DNM3: variants seen among roughly 807,000 people sequenced by gnomAD.
DNM3 encodes the protein dynamin 3.
In DNM3, 47 loss-of-function variants were observed where a neutral mutation model predicts 101.6. The ratio of observed to expected loss-of-function variants is 0.46; its 90% confidence interval spans 0.37 to 0.59. The LOEUF (loss-of-function observed/expected upper bound fraction) is 0.59. Ranked by LOEUF, DNM3 falls within the 20% of genes least tolerant of loss-of-function variation. DNM3 has a pLI of 0.00. For missense variants in DNM3, 849 were observed against 1,085.7 expected (o/e 0.78, Z 3.06); for synonymous variants, 385 against 387.9 (o/e 0.99, Z 0.09).
chr1:172,033,304 A>T (rs1462081959), intron 6 of DNM3, 39 bp downstream of exon 6: 2 of 1,532,416 alleles, frequency 1.3e-6, no homozygotes, highest in Non-Finnish European at 1.8e-6. Context: ...CAATTATGAA[A>T]TATGTAAGTA....
At chr1:172,054,523 C>T (rs1273780290) in intron 10 of DNM3, among the ~76,000 whole-genome samples, 3 of 152,048 alleles carry the variant, frequency 2.0e-5, no homozygotes, top group African/African-American at 7.2e-5. Context: ...TTTTTAACCA[C>T]AGTTTAGCAA....
chr1:172,339,182 A>G, intron 17 of DNM3: 1 of 337,386 alleles, frequency 3.0e-6, no homozygotes, highest in East Asian at 7.7e-5. Flanking sequence ...ATTATTTTAC[A>G]GTCTACCTCT....
At chr1:171,919,540 T>G (rs2039991836) in intron 1 of DNM3, among the ~76,000 whole-genome samples, 2 of 152,180 alleles carry the variant, frequency 1.3e-5, no homozygotes, top group Admixed American at 1.3e-4. Context: ...CTCTTTACTC[T>G]GGAGTTTTGC....
At chr1:171,845,553 CAAAT>C (rs2031946027) in intron 1 of DNM3, among the ~76,000 whole-genome samples, 2 of 152,028 alleles carry the variant, frequency 1.3e-5, no homozygotes, top group Non-Finnish European at 1.5e-5. Context: ...GACTCTGTCT[CAAAT>C]AATAATAATA....
chr1:171,926,600 A>C (rs1270929087), intron 2 of DNM3, among the ~76,000 whole-genome samples: 2 of 152,192 alleles, frequency 1.3e-5, no homozygotes, highest in African/African-American at 4.8e-5. Flanking sequence ...GGCCAATAGC[A>C]TACTCTCTTA....
chr1:172,155,637 C>T (rs965349644), intron 14 of DNM3, among the ~76,000 whole-genome samples: 1 of 151,972 alleles, frequency 6.6e-6, no homozygotes, highest in East Asian at 1.9e-4. Context: ...AGTAAACATC[C>T]AGTTATGTCA....
chr1:171,889,815 C>T (rs2037104088), intron 1 of DNM3, among the ~76,000 whole-genome samples: 1 of 152,126 alleles, frequency 6.6e-6, no homozygotes, highest in African/African-American at 2.4e-5. Context: ...TTAGCAGAGA[C>T]CGACTGAACA....
chr1:171,993,144 T>C (rs891399893), intron 4 of DNM3, among the ~76,000 whole-genome samples: 1 of 152,072 alleles, frequency 6.6e-6, no homozygotes, highest in Non-Finnish European at 1.5e-5. Context: ...CAAAAATACA[T>C]TTATATTGTC....
At chr1:172,284,394 C>T (rs1450453375) in intron 15 of DNM3, among the ~76,000 whole-genome samples, 1 of 152,112 alleles carries the variant, frequency 6.6e-6, no homozygotes, top group African/African-American at 2.4e-5. Flanking sequence ...GGTACCTTGA[C>T]AGTGAAATCT....
intron 15 of DNM3, among the ~76,000 whole-genome samples, chr1:172,298,270 A>G (rs1274201904): frequency 6.6e-6 from 1 of 151,950 alleles, no homozygotes; most frequent in Non-Finnish European, 1.5e-5. Context: ...TTCTTTAGGT[A>G]TCCTTTCATT....
chr1:172,061,881 A>T (rs955055507), intron 10 of DNM3, among the ~76,000 whole-genome samples: 4 of 152,072 alleles, frequency 2.6e-5, no homozygotes, highest in African/African-American at 9.6e-5. Flanking sequence ...AAAAGAAAAT[A>T]CTTGCATTTC....
chr1:172,403,222 C>T (rs1349875089), intron 20 of DNM3, among the ~76,000 whole-genome samples: 1 of 152,172 alleles, frequency 6.6e-6, no homozygotes. Flanking sequence ...ATTTACCAGT[C>T]AGATAATTCC....
intron 2 of DNM3, among the ~76,000 whole-genome samples, chr1:171,958,609 G>A (rs1215694483): frequency 6.6e-6 from 1 of 152,168 alleles, no homozygotes; most frequent in Non-Finnish European, 1.5e-5. Context: ...GGTATAGTCA[G>A]CTTTACATGC....
At chr1:172,230,119 T>C (rs2061278507) in intron 14 of DNM3, among the ~76,000 whole-genome samples, 1 of 151,596 alleles carries the variant, frequency 6.6e-6, no homozygotes. Flanking sequence ...CATGGTTTTT[T>C]GTTTGTTTGT....
intron 20 of DNM3, among the ~76,000 whole-genome samples, chr1:172,404,180 C>T (rs2070716031): frequency 6.6e-6 from 1 of 152,040 alleles, no homozygotes; most frequent in Non-Finnish European, 1.5e-5. Context: ...TGCAACTAGG[C>T]ATATTTCCAA....
chr1:171,896,300 C>A (rs1242721118), intron 1 of DNM3, among the ~76,000 whole-genome samples: 1 of 152,190 alleles, frequency 6.6e-6, no homozygotes, highest in African/African-American at 2.4e-5. Context: ...TTGTTTGTGT[C>A]CTCTTTTATT....
At chr1:172,391,581 T>G in intron 20 of DNM3, among the ~76,000 whole-genome samples, 1 of 152,344 alleles carries the variant, frequency 6.6e-6, no homozygotes, top group South Asian at 2.1e-4. Flanking sequence ...CACCTTATTC[T>G]GTTTGTTTAA....
At chr1:171,918,972 T>C (rs1389683066) in intron 1 of DNM3, among the ~76,000 whole-genome samples, 1 of 152,182 alleles carries the variant, frequency 6.6e-6, no homozygotes, top group Non-Finnish European at 1.5e-5. Context: ...TTCTTCTTTC[T>C]TCTCTCTGTC....
chr1:172,357,951 A>C (rs1320815379), intron 17 of DNM3, among the ~76,000 whole-genome samples: 1 of 152,030 alleles, frequency 6.6e-6, no homozygotes, highest in East Asian at 1.9e-4. Flanking sequence ...GCAATGCTGA[A>C]CAGGAAGGAA....
Sources: gnomAD v4.1 joint callset for allele counts (sites outside exome capture counted in the v4.1 genomes callset) on GRCh38, gnomAD v4.1.1 for gene constraint, MANE v1.5 for transcripts, NCBI Gene and HGNC (gene_info 2026-07-23, HGNC 2026-07-21) for gene names.